The following AURKAIP1 variants were observed in gnomAD, a reference collection of about 807,000 sequenced individuals.
The protein encoded by AURKAIP1 is small ribosomal subunit protein bS22, mitochondrial.
A neutral mutation model predicts 18.4 loss-of-function variants in AURKAIP1; 20 were observed. The ratio of observed to expected loss-of-function variants is 1.09; its 90% confidence interval spans 0.77 to 1.58. AURKAIP1 has a LOEUF of 1.58. Ranked by LOEUF, AURKAIP1 falls within the 40% of genes most tolerant of loss-of-function variation. The probability of loss-of-function intolerance (pLI) is 0.00; values close to 1 mark genes in which losing one functional copy is unlikely to be tolerated. For missense variants in AURKAIP1, 319 were observed against 270.7 expected, an observed-to-expected ratio of 1.18 and a Z score of -1.25; for synonymous variants, 156 against 120.8, an observed-to-expected ratio of 1.29 and a Z score of -1.91.
In AURKAIP1 at chr1:1,374,418, C is replaced by G; in HGVS notation, c.80G>C (p.Gly27Ala). 1 of 1,460,704 alleles carries G rather than the reference C, an allele frequency of 6.8e-7. No homozygotes were observed. The highest frequency in any genetic ancestry group is 9.0e-7 in the Non-Finnish European group (1 of 1,112,558). 90.5% of individuals were successfully genotyped at this position (1,460,704 alleles called of 1,614,324 possible). A position where few individuals can be genotyped will look rare whatever the true frequency, so the allele number is the denominator to read the frequency against. Reference sequence around the variant, plus strand: ...CCCGCAGACCCGGCTGCCCAGCACTCCAGAGACGGGCCAAGGCGGGCGGCC... The same window carrying G: ...CCCGCAGACCCGGCTGCCCAGCACTGCAGAGACGGGCCAAGGCGGGCGGCC... ...AGGRPPWPVS[G>A]VLGSRVCGPL... The change falls in exon 3 of 4, where the codon GGA becomes GCA. Residue 27 changes from glycine to alanine, a missense_variant. Transcript: ENST00000338338.
chr1:1,373,746 G>T lies in AURKAIP1; in HGVS notation c.*55C>A. The T allele has an allele frequency of 6.7e-7, 1 of 1,499,490 alleles. No homozygotes were observed. Among genetic ancestry groups the T allele is most frequent in the Non-Finnish European group, 9.0e-7 (1 of 1,106,602 alleles). The allele number at this position is 1,499,490 out of a possible 1,614,324, so 92.9% of individuals were successfully genotyped here. A position where few individuals can be genotyped will look rare whatever the true frequency, so the allele number is the denominator to read the frequency against. ...ACCCGCAGGAAAGGCTGAGTCCTCT[G>T]AGAATTTATTACTACGGATCACAGC... On this transcript the variant is annotated 3_prime_UTR_variant, in exon 4 of 4. Transcript: ENST00000338338.
intron 1 of AURKAIP1, 81 bp downstream of exon 1, chr1:1,375,073 A>C: frequency 1.0e-5 from 3 of 293,580 alleles, no homozygotes; most frequent in South Asian, 4.2e-5. Context: ...TGGCGCCCGG[A>C]CCCTCTCGGC....
chr1:1,374,249 G>GA lies in AURKAIP1; in HGVS notation c.248dup (p.Leu84ProfsTer34). The GA allele has an allele frequency of 6.2e-7, 1 of 1,609,630 alleles. No homozygotes were observed. The highest frequency in any genetic ancestry group is 8.5e-7 in the Non-Finnish European group (1 of 1,178,944). ...CGGTCCCGGTATCCAGTCTGGGCAGGAAGCAGCGGGCCGTGAGCCAGCTCT... is the reference window on the plus strand; with the variant it reads ...CGGTCCCGGTATCCAGTCTGGGCAGGAAAGCAGCGGGCCGTGAGCCAGCTCT... On this transcript the variant is annotated frameshift_variant, in exon 3 of 4. Transcript: ENST00000338338. LOFTEE classifies it high-confidence loss of function.
Position 1,374,075 on chromosome 1 carries a change from G to A in AURKAIP1, c.423C>T (p.His141=). The A allele has an allele frequency of 6.2e-7, 1 of 1,610,416 alleles. No individual in the cohort carries two copies. Among genetic ancestry groups the A allele is most frequent in the East Asian group, 2.2e-5 (1 of 44,816 alleles). ...TCTTCTTCACCAGCTTCCGGTACTT[G>A]TGGTGGTTCATCTTCCGCCGGCGGA... The part of the protein sequence containing the change: ...LKIRRRKMNH[H]KYRKLVKKTR... Residue 141 remains histidine (H), a synonymous_variant, in exon 3 of 4, where the codon CAC becomes CAT. Coordinates refer to ENST00000338338, the MANE Select transcript of AURKAIP1 (RefSeq NM_017900.3).
At position 1,373,746 on chromosome 1, in the gene AURKAIP1, G is replaced by A. The variant is rs185076008; in HGVS notation, c.*55C>T. The A allele has an allele frequency of 6.7e-7, 1 of 1,499,490 alleles. No individual in the cohort carries two copies. The highest frequency in any genetic ancestry group is 1.4e-5 in the African/African-American group (1 of 71,546). The allele number at this position is 1,499,490 out of a possible 1,614,324, so 92.9% of individuals were successfully genotyped here. Reference sequence around the variant, plus strand: ...ACCCGCAGGAAAGGCTGAGTCCTCTGAGAATTTATTACTACGGATCACAGC... The same window carrying A: ...ACCCGCAGGAAAGGCTGAGTCCTCTAAGAATTTATTACTACGGATCACAGC... On this transcript the variant is annotated 3_prime_UTR_variant, in exon 4 of 4. Coordinates refer to ENST00000338338, the MANE Select transcript of AURKAIP1 (RefSeq NM_017900.3).
chr1:1,374,786 G>A lies in AURKAIP1; in HGVS notation c.-30C>T, dbSNP rs920379436. Reference sequence around the variant, plus strand: ...TGTGGGCGGCGGCCACAGGTCCCAGGGGAGCTGGAACACAAGTGCCCGTTC... The same window carrying A: ...TGTGGGCGGCGGCCACAGGTCCCAGAGGAGCTGGAACACAAGTGCCCGTTC... On this transcript the variant is annotated 5_prime_UTR_variant, in exon 2 of 4. Transcript: ENST00000338338. The A allele has an allele frequency of 1.9e-6, 3 of 1,549,306 alleles. No individual in the cohort carries two copies. Among genetic ancestry groups the A allele is most frequent in the Admixed American group, 2.0e-5 (1 of 50,980 alleles).
In AURKAIP1 at chr1:1,374,751, G is replaced by A. The variant is rs766531279; in HGVS notation, c.6C>T (p.Leu2=). M[L]LGRLTSQLLR... Reference sequence around the variant, plus strand: ...ACAGCTGGGAAGTCAGGCGCCCCAGGAGCATGGTCTGTGGGCGGCGGCCAC... The same window carrying A: ...ACAGCTGGGAAGTCAGGCGCCCCAGAAGCATGGTCTGTGGGCGGCGGCCAC... Residue 2 remains leucine (L), a synonymous_variant, in exon 2 of 4, where the codon CTC becomes CTT. Coordinates refer to ENST00000338338, the MANE Select transcript of AURKAIP1 (RefSeq NM_017900.3). 1.0e-5 allele frequency: 16 copies of A among 1,559,240 alleles called. No individual in the cohort carries two copies. The South Asian group carries it at 1.3e-4, about 13-fold the overall frequency.
At position 1,374,037 on chromosome 1, in the gene AURKAIP1, C is replaced by G; in HGVS notation, c.461G>C (p.Arg154Pro). 6.2e-7 allele frequency: 1 copy of G among 1,607,044 alleles called. No individual in the cohort carries two copies. Among genetic ancestry groups the G allele is most frequent in the Non-Finnish European group, 8.5e-7 (1 of 1,176,490 alleles). ...RKLVKKTRFLRRKVQEGRLRR... is the reference protein window; with the variant it reads ...RKLVKKTRFLPRKVQEGRLRR... ...CAGGCGTCCCTCCTGGACCTTCCTC[C>G]GCAGGAACCGCGTCTTCTTCACCAG... The change falls in exon 3 of 4, where the codon CGG (arginine) becomes CCG (proline). Residue 154 changes from arginine to proline, a missense_variant. By Grantham distance (103) the Arg-to-Pro change is moderately radical (BLOSUM62 -2). Coordinates refer to ENST00000338338, the MANE Select transcript of AURKAIP1 (RefSeq NM_017900.3).
intron 1 of AURKAIP1, 116 bp from the exon 2 acceptor site, chr1:1,374,906 C>G: frequency 1.5e-6 from 1 of 671,476 alleles, no homozygotes; most frequent in Non-Finnish European, 2.4e-6. Context: ...CCTCCGCCAC[C>G]CCAACCCACA....
In AURKAIP1 at chr1:1,374,165, C is replaced by G. The variant is rs756686634; in HGVS notation, c.333G>C (p.Gly111=). 1 of 1,613,994 alleles carries G rather than the reference C, an allele frequency of 6.2e-7. No homozygotes were observed. The highest frequency in any genetic ancestry group is 1.1e-5 in the South Asian group (1 of 91,086). The change falls in exon 3 of 4, where the codon GGG becomes GGC. Residue 111 remains glycine (G), a synonymous_variant. Transcript: ENST00000338338. ...YQCPPSQIGE[G]AEQGDEGVAD... is the part of the protein sequence containing the mutation. ...CGACGCCTTCATCCCCCTGCTCGGCCCCTTCCCCTATCTGGCTGGGCGGAC... is the reference window on the plus strand; with the variant it reads ...CGACGCCTTCATCCCCCTGCTCGGCGCCTTCCCCTATCTGGCTGGGCGGAC...
chr1:1,374,682 T>C, intron 2 of AURKAIP1, 23 bp downstream of exon 2: 1 of 1,553,298 alleles, frequency 6.4e-7, no homozygotes, highest in Non-Finnish European at 8.7e-7. Flanking sequence ...CATCCTCCCA[T>C]CCGCCCCCGC....
chr1:1,373,881 T>A lies in AURKAIP1; in HGVS notation c.520A>T (p.Arg174Trp). ...AGCCCCGCCTTCAGCCAGATGCGCC[T>A]CAGGTCTTTCTCGAACTTGATCTGC... is the stretch of plus-strand genomic sequence containing the variant. ...RKQIKFEKDL[R>W]RIWLKAGLKE... The change falls in exon 4 of 4, where the codon AGG (arginine) becomes TGG (tryptophan). Residue 174 changes from arginine to tryptophan, a missense_variant. By Grantham distance (101) the Arg-to-Trp change is moderately radical (BLOSUM62 -3). Transcript: ENST00000338338. 2 of 1,608,640 alleles carry A rather than the reference T, an allele frequency of 1.2e-6. No homozygotes were observed. The highest frequency in any genetic ancestry group is 2.7e-5 in the African/African-American group (2 of 75,050).
chr1:1,374,988 C>G (rs1259914612), intron 1 of AURKAIP1, 166 bp downstream of exon 1: 1 of 495,596 alleles, frequency 2.0e-6, no homozygotes, highest in Non-Finnish European at 3.6e-6. Context: ...GTGTCGCGCT[C>G]GGACGCACCG....
rs764644165 is a variant in AURKAIP1 at position 1,373,762 on chromosome 1, G to T, written c.*39C>A. 6.5e-7 allele frequency: 1 copy of T among 1,546,274 alleles called. No individual in the cohort carries two copies. The highest frequency in any genetic ancestry group is 8.8e-7 in the Non-Finnish European group (1 of 1,141,686). On this transcript the variant is annotated 3_prime_UTR_variant, in exon 4 of 4. Coordinates refer to ENST00000338338, the MANE Select transcript of AURKAIP1 (RefSeq NM_017900.3). ...GAGTCCTCTGAGAATTTATTACTAC[G>T]GATCACAGCAGCAACGGGCGGGAAG...
Position 1,374,238 on chromosome 1 carries a change from A to G in AURKAIP1, c.260T>C (p.Leu87Pro), listed in dbSNP as rs989111106. 1.2e-6 allele frequency: 2 copies of G among 1,611,932 alleles called. No homozygotes were observed. Among genetic ancestry groups the G allele is most frequent in the African/African-American group, 1.3e-5 (1 of 75,058 alleles). Residue 87 changes from leucine to proline, a missense_variant, in exon 3 of 4, where the codon CTG (leucine) becomes CCG (proline). Coordinates refer to ENST00000338338, the MANE Select transcript of AURKAIP1 (RefSeq NM_017900.3). Reference sequence around the variant, plus strand: ...CACAGTCCCTGCGGTCCCGGTATCCAGTCTGGGCAGGAAGCAGCGGGCCGT... The same window carrying G: ...CACAGTCCCTGCGGTCCCGGTATCCGGTCTGGGCAGGAAGCAGCGGGCCGT... ...WLTARCFLPR[L>P]DTGTAGTVAP...
intron 2 of AURKAIP1, 96 bp downstream of exon 2, chr1:1,374,605 AGTGT>A: frequency 4.3e-6 from 6 of 1,401,724 alleles, no homozygotes; most frequent in East Asian, 2.5e-5. Flanking sequence ...GAGGGGAAAG[AGTGT>A]GTGTGTGGCC....
chr1:1,374,406 C>G lies in AURKAIP1; in HGVS notation c.92G>C (p.Ser31Thr), dbSNP rs1352560942. 1 of 1,466,300 alleles carries G rather than the reference C, an allele frequency of 6.8e-7. No individual in the cohort carries two copies. The highest frequency in any genetic ancestry group is 9.0e-7 in the Non-Finnish European group (1 of 1,115,340). 90.8% of individuals were successfully genotyped at this position (1,466,300 alleles called of 1,614,324 possible). The change falls in exon 3 of 4, where the codon AGC becomes ACC. Residue 31 changes from serine (S) to threonine (T), a missense_variant. Physicochemically the swap from Ser to Thr is moderately conservative, Grantham distance 58. Coordinates refer to ENST00000338338, the MANE Select transcript of AURKAIP1 (RefSeq NM_017900.3). ...GCTGTAAAGGGGCCCGCAGACCCGG[C>G]TGCCCAGCACTCCAGAGACGGGCCA... ...PPWPVSGVLG[S>T]RVCGPLYSTS...
rs1260566727 is a variant in AURKAIP1 at position 1,373,847 on chromosome 1, G to T, written c.554C>A (p.Ala185Asp). ...CTTGGGGGTCTGCCAGCCTTCGGGG[G>T]CTTCCTTTAGCCCCGCCTTCAGCCA... ...RIWLKAGLKE[A>D]PEGWQTPKIY... Residue 185 changes from alanine (A) to aspartate (D), a missense_variant, in exon 4 of 4, where the codon GCC becomes GAC. By Grantham distance (126) the Ala-to-Asp change is moderately radical (BLOSUM62 -2). Coordinates refer to ENST00000338338, the MANE Select transcript of AURKAIP1 (RefSeq NM_017900.3). The T allele has an allele frequency of 8.1e-6, 13 of 1,603,394 alleles. No homozygotes were observed. Among genetic ancestry groups the T allele is most frequent in the Non-Finnish European group, 9.3e-6 (11 of 1,179,588 alleles).
At chr1:1,374,971 G>C in intron 1 of AURKAIP1, 181 bp from the exon 2 acceptor site, 1 of 516,988 alleles carries the variant, frequency 1.9e-6, no homozygotes, top group East Asian at 3.6e-5. Context: ...AGCCCCCGAC[G>C]CGGGCGGTGT....
Sources: allele counts gnomAD v4.1 joint callset, GRCh38; gene constraint gnomAD v4.1.1; transcripts MANE v1.5; gene names NCBI Gene and HGNC (gene_info 2026-07-23, HGNC 2026-07-21).